The following EXOC5 variants were observed in gnomAD, a reference collection of about 807,000 sequenced individuals.
EXOC5 encodes the protein exocyst complex component 5, also known as SEC10-like 1.
Under a neutral mutation model 90.8 loss-of-function variants are expected in EXOC5, and 17 were observed. The observed-to-expected ratio is 0.19, with a 90% CI of 0.13 to 0.28. EXOC5 has a LOEUF of 0.28. Among genes scored for constraint, EXOC5 ranks in the 10% least tolerant of loss-of-function variants. EXOC5 has a pLI of 1.00. For synonymous variants in EXOC5, 260 were observed against 270.0 expected (o/e 0.96, Z 0.36); for missense variants, 569 against 830.6 (o/e 0.69, Z 3.87).
intron 12 of EXOC5, among the ~76,000 whole-genome samples, chr14:57,228,037 T>G (rs1474940953): frequency 1.4e-5 from 2 of 145,070 alleles, no homozygotes; most frequent in Admixed American, 6.8e-5. Flanking sequence ...CACACACACT[T>G]AAAATGCTTA....
Position 57,268,865 on chromosome 14 carries a change from C to A in EXOC5, c.-217G>T. 1 of 1,276,166 alleles carries A rather than the reference C, an allele frequency of 7.8e-7. No homozygotes were observed. The highest frequency in any genetic ancestry group is 1.6e-5 in the South Asian group (1 of 62,000). 79.1% of individuals were successfully genotyped at this position (1,276,166 alleles called of 1,614,324 possible). On this transcript the variant is annotated 5_prime_UTR_variant, in exon 1 of 18. Coordinates refer to ENST00000621441, the MANE Select transcript of EXOC5 (RefSeq NM_006544.4). ...CAGCTGCCTCCCGGCGCCGCCCGCG[C>A]TGCTCCCATTGTCACCGCCTCATAC...
chr14:57,223,463 C>T (rs910406649), intron 12 of EXOC5, among the ~76,000 whole-genome samples: 1 of 151,988 alleles, frequency 6.6e-6, no homozygotes, highest in Non-Finnish European at 1.5e-5. Context: ...ATTATAAATA[C>T]TGATTTGGTA....
chr14:57,221,377 T>C (rs1340451023), intron 13 of EXOC5, among the ~76,000 whole-genome samples: 2 of 152,022 alleles, frequency 1.3e-5, no homozygotes, highest in African/African-American at 4.8e-5. Context: ...CCCTTAAGAG[T>C]AATAGGAAAC....
chr14:57,208,794 G>C lies in EXOC5; in HGVS notation c.1942C>G (p.Pro648Ala). The C allele has an allele frequency of 1.3e-6, 2 of 1,565,152 alleles. No homozygotes were observed. Among genetic ancestry groups the C allele is most frequent in the Middle Eastern group, 3.4e-4 (2 of 5,802 alleles). Residue 648 changes from proline (P) to alanine (A), a missense_variant, in exon 18 of 18, where the codon CCA becomes GCA. By Grantham distance (27) the Pro-to-Ala change is conservative (BLOSUM62 -1). Transcript: ENST00000621441. ...GTATCAAAAAGATGTAATACCATTG[G>C]AATCTGAATTGAGAGAAGAAAAAAA... ...YRKCAKDFKI[P>A]MVLHLFDTLH...
intron 15 of EXOC5, among the ~76,000 whole-genome samples, chr14:57,212,886 C>T (rs746213814): frequency 9.2e-5 from 14 of 152,142 alleles, no homozygotes; most frequent in Non-Finnish European, 1.6e-4. Flanking sequence ...CTGATAGATC[C>T]ACTCTTTCGA....
rs1456661132 is a variant in EXOC5, at chr14:57,204,050, T to C, written c.*4559A>G. 6.6e-6 allele frequency: 1 copy of C among 152,464 alleles called. No individual in the cohort carries two copies. The highest frequency in any genetic ancestry group is 1.5e-5 in the Non-Finnish European group (1 of 68,022). The allele number at this position is 152,464 out of a possible 1,614,324, so 9.4% of individuals were successfully genotyped here. Reference sequence around the variant, plus strand: ...TATTCCTATTTAAACTGGCTTTGTATGGTGAGGCAGACTGCAACCTTCTAA... The same window carrying C: ...TATTCCTATTTAAACTGGCTTTGTACGGTGAGGCAGACTGCAACCTTCTAA... On this transcript the variant is annotated 3_prime_UTR_variant, in exon 18 of 18. Transcript: ENST00000621441.
At chr14:57,237,396 G>GT in intron 5 of EXOC5, 30 bp from the exon 6 acceptor site, 1 of 1,497,644 alleles carries the variant, frequency 6.7e-7, no homozygotes, top group Non-Finnish European at 9.1e-7. Flanking sequence ...CATGAGGTTT[G>GT]TTAGTTGTGA....
intron 1 of EXOC5, among the ~76,000 whole-genome samples, chr14:57,248,911 C>T (rs1884104765): frequency 6.6e-6 from 1 of 151,972 alleles, no homozygotes; most frequent in Non-Finnish European, 1.5e-5. Context: ...TCACTTCTGT[C>T]GAAACAAGAG....
In EXOC5 at chr14:57,205,770, T is replaced by C; in HGVS notation, c.*2839A>G. ...GGGGGGAAAAAAGAATGATCTACAATGTAATATAAATTAACCTAATTTAAA... is the reference window on the plus strand; with the variant it reads ...GGGGGGAAAAAAGAATGATCTACAACGTAATATAAATTAACCTAATTTAAA... On this transcript the variant is annotated 3_prime_UTR_variant, in exon 18 of 18. Transcript: ENST00000621441. The C allele has an allele frequency of 2.4e-6, 1 of 420,244 alleles. No individual in the cohort carries two copies. Among genetic ancestry groups the C allele is most frequent in the South Asian group, 1.8e-5 (1 of 56,956 alleles). The allele number at this position is 420,244 out of a possible 1,614,324, so 26.0% of individuals were successfully genotyped here. A position where few individuals can be genotyped will look rare whatever the true frequency, so the allele number is the denominator to read the frequency against.
rs112086735 is a variant in EXOC5 at position 57,245,281 on chromosome 14, A to C, written c.271-922T>G. Among the ~76,000 whole-genome samples the C allele has an allele frequency of 2.2e-3, 338 of 152,248 alleles. 1 individual carries two copies. The highest frequency in any genetic ancestry group is 7.4e-3 in the African/African-American group (309 of 41,524). On this transcript the variant is annotated intron_variant, in intron 3 of 17. Transcript: ENST00000621441. ...AGTGTGGGACGTTTTTCCAACCTTAAACTGAGGTGGGGAAGAGCTGTAAAC... is the reference window on the plus strand; with the variant it reads ...AGTGTGGGACGTTTTTCCAACCTTACACTGAGGTGGGGAAGAGCTGTAAAC...
At chr14:57,251,344 A>T (rs540744598) in intron 1 of EXOC5, among the ~76,000 whole-genome samples, 1 of 152,298 alleles carries the variant, frequency 6.6e-6, no homozygotes, top group Admixed American at 6.5e-5. Flanking sequence ...CAGACCACAG[A>T]GGCATAAAGA....
In EXOC5 at chr14:57,202,613, A is replaced by G. The variant is rs987044692; in HGVS notation, c.*5996T>C. 1.3e-5 allele frequency: 2 copies of G among 152,210 alleles called. No homozygotes were observed. The highest frequency in any genetic ancestry group is 2.9e-5 in the Non-Finnish European group (2 of 68,038). 9.4% of individuals were successfully genotyped at this position (152,210 alleles called of 1,614,324 possible). On this transcript the variant is annotated 3_prime_UTR_variant, in exon 18 of 18. Transcript: ENST00000621441. The stretch of plus-strand genomic sequence containing the variant: ...GATTCTTATTAGAGTTGATAAAGGA[A>G]TTCAATGTGATATATAACTAAGAAA...
At chr14:57,241,755 G>A (rs756549837) in intron 4 of EXOC5, among the ~76,000 whole-genome samples, 1 of 152,130 alleles carries the variant, frequency 6.6e-6, no homozygotes, top group Non-Finnish European at 1.5e-5. Flanking sequence ...TGAGGTGAGA[G>A]ACTACCCTTG....
chr14:57,222,474 T>A lies in EXOC5; in HGVS notation c.1297-58A>T. ...CAAGTCTACCTTTTGAAAATGCCAA[T>A]TTTTTTTAAGCAATCAATTTTTTAT... On this transcript the variant is annotated intron_variant, in intron 12 of 17. Transcript: ENST00000621441. The A allele has an allele frequency of 4.2e-6, 4 of 942,226 alleles. No homozygotes were observed. In the South Asian group the frequency reaches 4.9e-5, roughly 12 times the overall value. 58.4% of individuals were successfully genotyped at this position (942,226 alleles called of 1,614,324 possible).
intron 7 of EXOC5, 74 bp downstream of exon 7, chr14:57,235,637 G>A: frequency 1.4e-6 from 1 of 734,624 alleles, no homozygotes. Context: ...GGGGAAATCA[G>A]AGACTATAAT....
At chr14:57,219,587 A>G in intron 13 of EXOC5, 145 bp from the exon 14 acceptor site, 1 of 660,134 alleles carries the variant, frequency 1.5e-6, no homozygotes, top group Non-Finnish European at 2.5e-6. Flanking sequence ...TTCTGTGGAC[A>G]GAAGAGGAAA....
At chr14:57,232,813 T>C (rs1024191379) in intron 9 of EXOC5, 64 bp from the exon 10 acceptor site, 10 of 771,598 alleles carry the variant, frequency 1.3e-5, no homozygotes, top group Non-Finnish European at 1.9e-5. Flanking sequence ...CTTCTCAAGA[T>C]ATTTTTCTTT....
chr14:57,222,922 ATTCT>A (rs1328949992), intron 12 of EXOC5, among the ~76,000 whole-genome samples: 2 of 151,984 alleles, frequency 1.3e-5, no homozygotes, highest in Non-Finnish European at 2.9e-5. Context: ...AACAAAAAGA[ATTCT>A]TTGTTTTACT....
At chr14:57,232,078 C>G (rs1206659036) in intron 10 of EXOC5, 1 of 175,944 alleles carries the variant, frequency 5.7e-6, no homozygotes, top group East Asian at 1.6e-4. Context: ...TGTTCACCCT[C>G]TTTTGTTTTG....
Sources: gnomAD v4.1 joint callset for allele counts (sites outside exome capture counted in the v4.1 genomes callset) on GRCh38, gnomAD v4.1.1 for gene constraint, MANE v1.5 for transcripts, NCBI Gene and HGNC (gene_info 2026-07-23, HGNC 2026-07-21) for gene names.